The following SCN11A variants were observed in gnomAD, a reference collection of about 807,000 sequenced individuals.
SCN11A encodes sodium voltage-gated channel alpha subunit 11, also known as sodium channel protein type 11 subunit alpha.
In SCN11A, 122 loss-of-function variants were observed where a neutral mutation model predicts 162.2. The observed-to-expected ratio is 0.75, with a 90% CI of 0.65 to 0.87. The LOEUF (loss-of-function observed/expected upper bound fraction) is 0.87. Among genes scored for constraint, SCN11A ranks in the 40% least tolerant of loss-of-function variants. The pLI is 0.00. For synonymous variants in SCN11A, 758 were observed against 751.5 expected, an observed-to-expected ratio of 1.01 and a Z score of -0.14; for missense variants, 2,015 against 2,181.6, an observed-to-expected ratio of 0.92 and a Z score of 1.52.
intron 4 of SCN11A, among the ~76,000 whole-genome samples, 89 bp downstream of exon 4, chr3:38,953,540 G>A (rs1417051685): frequency 6.6e-6 from 1 of 152,154 alleles, no homozygotes; most frequent in Non-Finnish European, 1.5e-5. Context: ...TACAGGGGAT[G>A]ATCTAATGAC....
chr3:38,885,271 G>A lies in SCN11A; in HGVS notation c.3064+17C>T, dbSNP rs770434187. On this transcript the variant is annotated intron_variant, in intron 21 of 29. Transcript: ENST00000302328. ...CCAAAGATTCTGTGAACTGGATGCAGAAATACTGCCACTTACCTTTGGGCA... is the reference window on the plus strand; with the variant it reads ...CCAAAGATTCTGTGAACTGGATGCAAAAATACTGCCACTTACCTTTGGGCA... The A allele has an allele frequency of 7.0e-7, 1 of 1,431,726 alleles. No homozygotes were observed. The highest frequency in any genetic ancestry group is 1.7e-5 in the Admixed American group (1 of 59,748). 88.7% of individuals were successfully genotyped at this position (1,431,726 alleles called of 1,614,324 possible).
chr3:38,926,929 C>T lies in SCN11A; in HGVS notation c.491G>A (p.Cys164Tyr), dbSNP rs765947640. 5.0e-6 allele frequency: 8 copies of T among 1,611,176 alleles called. No homozygotes were observed. In the South Asian group the frequency reaches 8.8e-5, roughly 18 times the overall value. The change falls in exon 8 of 30, where the codon TGT (cysteine) becomes TAT (tyrosine). Residue 164 changes from cysteine (C) to tyrosine (Y), a missense_variant and splice_region_variant. By Grantham distance (194) the Cys-to-Tyr change is radical. Coordinates refer to ENST00000302328, the MANE Select transcript of SCN11A (RefSeq NM_001349253.2). ...SNSNNTDIAE[C>Y]VFTGIYIFEA... Reference sequence around the variant, plus strand: ...AAAAATATAAATCCCAGTGAAGACACACCTAAAAAGCAAATCATTTACAAC... The same window carrying T: ...AAAAATATAAATCCCAGTGAAGACATACCTAAAAAGCAAATCATTTACAAC...
intron 7 of SCN11A, among the ~76,000 whole-genome samples, chr3:38,936,347 A>G (rs1406405937): frequency 2.0e-5 from 3 of 148,018 alleles, no homozygotes; most frequent in African/African-American, 5.0e-5. Context: ...CCTATTCAAC[A>G]TAGTGTTGGA....
chr3:38,996,249 T>C (rs1052526066), intron 2 of SCN11A, among the ~76,000 whole-genome samples: 1 of 152,182 alleles, frequency 6.6e-6, no homozygotes, highest in Non-Finnish European at 1.5e-5. Context: ...TGGATGGACA[T>C]AGGCACTGGT....
intron 7 of SCN11A, among the ~76,000 whole-genome samples, chr3:38,941,308 C>G (rs1324276696): frequency 6.6e-6 from 1 of 152,180 alleles, no homozygotes; most frequent in Non-Finnish European, 1.5e-5. Flanking sequence ...TACAATGAAA[C>G]TCTACTTCAT....
At chr3:38,969,145 G>C (rs1000858938) in intron 2 of SCN11A, among the ~76,000 whole-genome samples, 3 of 152,212 alleles carry the variant, frequency 2.0e-5, no homozygotes, top group African/African-American at 7.2e-5. Context: ...CAGGCAGGCA[G>C]GCAGGCAGGC....
chr3:38,882,526 A>G (rs2065326096), intron 22 of SCN11A, among the ~76,000 whole-genome samples: 1 of 152,190 alleles, frequency 6.6e-6, no homozygotes, highest in African/African-American at 2.4e-5. Context: ...AAAAGCAGAA[A>G]ATAGAAAAGG....
intron 7 of SCN11A, among the ~76,000 whole-genome samples, chr3:38,944,123 G>A (rs528760347): frequency 5.3e-5 from 8 of 152,168 alleles, no homozygotes; most frequent in Non-Finnish European, 1.0e-4. Context: ...ATTGTTTTAA[G>A]TCTAACCCAT....
chr3:38,909,274 C>T, intron 12 of SCN11A, 80 bp from the exon 13 acceptor site: 1 of 1,306,708 alleles, frequency 7.7e-7, no homozygotes, highest in Non-Finnish European at 1.1e-6. Context: ...AAAAACCACA[C>T]AGTAGCAGAC....
chr3:38,944,873 G>A (rs2066493304), intron 7 of SCN11A, among the ~76,000 whole-genome samples: 1 of 151,992 alleles, frequency 6.6e-6, no homozygotes, highest in South Asian at 2.1e-4. Flanking sequence ...TGAGGGAAGA[G>A]AATCGCTTGA....
chr3:38,930,288 G>T (rs2066221307), intron 7 of SCN11A, among the ~76,000 whole-genome samples: 1 of 152,196 alleles, frequency 6.6e-6, no homozygotes, highest in African/African-American at 2.4e-5. Context: ...GAGCAGAAAT[G>T]GTCATGAGGC....
At chr3:38,941,108 C>T (rs990665919) in intron 7 of SCN11A, among the ~76,000 whole-genome samples, 1 of 152,170 alleles carries the variant, frequency 6.6e-6, no homozygotes, top group Non-Finnish European at 1.5e-5. Context: ...CACCCCAACA[C>T]TGGCAAATGG....
At chr3:38,954,969 C>A (rs894328854) in intron 3 of SCN11A, among the ~76,000 whole-genome samples, 9 of 152,210 alleles carry the variant, frequency 5.9e-5, no homozygotes, top group Non-Finnish European at 2.9e-5. Flanking sequence ...GCCTGGGTAA[C>A]CCAGCCAGAC....
At chr3:38,868,064 CA>C (rs2065069926) in intron 26 of SCN11A, among the ~76,000 whole-genome samples, 1 of 152,140 alleles carries the variant, frequency 6.6e-6, no homozygotes, top group African/African-American at 2.4e-5. Flanking sequence ...GGACTCCAAC[CA>C]AGCTCTCCTA....
In SCN11A at chr3:38,903,597, A is replaced by C. The variant is rs4359754; in HGVS notation, c.1842+268T>G. Among the ~76,000 whole-genome samples, 151,386 of 152,286 alleles carry C rather than the reference A, an allele frequency of 0.99. 75,249 individuals are homozygous for C. Among genetic ancestry groups the C allele is most frequent in the Middle Eastern group, 1 (294 of 294 alleles). ...TTTCTTGATTATCTCAGAGAGCTGA[A>C]CTTTTAGGATGTCTGCTTGTATCTG... On this transcript the variant is annotated intron_variant, in intron 16 of 29. Coordinates refer to ENST00000302328, the MANE Select transcript of SCN11A (RefSeq NM_001349253.2).
At position 38,893,327 on chromosome 3, in the gene SCN11A, C is replaced by CAT. The variant is rs1304003819; in HGVS notation, c.2835+1204_2835+1205dup. Among the ~76,000 whole-genome samples the CAT allele has an allele frequency of 2.0e-5, 3 of 152,006 alleles. No individual in the cohort carries two copies. In the East Asian group the frequency reaches 5.8e-4, roughly 29 times the overall value. ...ATTGGGAAGATATAGCATTTATAAACATATATACACACCTAACAGAAGAGA... is the reference window on the plus strand; with the variant it reads ...ATTGGGAAGATATAGCATTTATAAACATATATATACACACCTAACAGAAGAGA... On this transcript the variant is annotated intron_variant, in intron 19 of 29. Transcript: ENST00000302328.
intron 11 of SCN11A, among the ~76,000 whole-genome samples, chr3:38,910,819 A>C (rs2065877207): frequency 6.6e-6 from 1 of 152,200 alleles, no homozygotes. Context: ...ACATTTGGGC[A>C]ATGAATATCT....
chr3:38,934,820 G>A (rs1375348474), intron 7 of SCN11A, among the ~76,000 whole-genome samples: 16 of 152,014 alleles, frequency 1.1e-4, no homozygotes, highest in African/African-American at 2.9e-4. Context: ...ACAGATCAAC[G>A]AGACAGAAAG....
chr3:38,878,075 C>T (rs112533186), intron 23 of SCN11A, among the ~76,000 whole-genome samples: 9 of 151,602 alleles, frequency 5.9e-5, no homozygotes, highest in African/African-American at 1.5e-4. Flanking sequence ...GTACACTGAT[C>T]GGGCGATGGG....
Sources: gnomAD v4.1 joint callset for allele counts (sites outside exome capture counted in the v4.1 genomes callset) on GRCh38, gnomAD v4.1.1 for gene constraint, MANE v1.5 for transcripts, NCBI Gene and HGNC (gene_info 2026-07-23, HGNC 2026-07-21) for gene names.